The following SDAD1 variants were observed in gnomAD, a reference collection of about 807,000 sequenced individuals.
The protein encoded by SDAD1 is protein SDA1 homolog.
A neutral mutation model predicts 100.3 loss-of-function variants in SDAD1; 79 were observed. The ratio of observed to expected loss-of-function variants is 0.79; its 90% confidence interval spans 0.66 to 0.95. SDAD1 has a LOEUF of 0.95. Ranked by LOEUF, SDAD1 falls within the 40% of genes least tolerant of loss-of-function variation. SDAD1 has a pLI of 0.00. For missense variants in SDAD1, 790 were observed against 810.9 expected, an observed-to-expected ratio of 0.97 and a Z score of 0.31; for synonymous variants, 267 against 271.4, an observed-to-expected ratio of 0.98 and a Z score of 0.16.
intron 9 of SDAD1, among the ~76,000 whole-genome samples, chr4:75,970,695 C>T (rs1195999362): frequency 2.0e-5 from 3 of 152,160 alleles, no homozygotes; most frequent in Non-Finnish European, 4.4e-5. Context: ...GAGGGAAGGA[C>T]CTGGAGGGAG....
rs755315540 is a variant in SDAD1 at position 75,957,828 on chromosome 4, A to C, written c.1578+19T>G. 1 of 1,613,914 alleles carries C rather than the reference A, an allele frequency of 6.2e-7. No homozygotes were observed. Among genetic ancestry groups the C allele is most frequent in the African/African-American group, 1.3e-5 (1 of 75,062 alleles). Reference sequence around the variant, plus strand: ...GTCTTAATAAACACCAGGTTATAAGATGAAATTTTCAGACTTACGATTTCT... The same window carrying C: ...GTCTTAATAAACACCAGGTTATAAGCTGAAATTTTCAGACTTACGATTTCT... On this transcript the variant is annotated intron_variant, in intron 18 of 21. Coordinates refer to ENST00000356260, the MANE Select transcript of SDAD1 (RefSeq NM_018115.4).
At chr4:75,963,147 G>A (rs1286512654) in intron 14 of SDAD1, among the ~76,000 whole-genome samples, 2 of 152,098 alleles carry the variant, frequency 1.3e-5, no homozygotes, top group Non-Finnish European at 1.5e-5. Context: ...ATTAAATAGG[G>A]AATCCTTTCC....
intron 1 of SDAD1, among the ~76,000 whole-genome samples, chr4:75,986,448 G>A (rs760343710): frequency 6.6e-5 from 10 of 152,022 alleles, no homozygotes; most frequent in Non-Finnish European, 1.5e-4. Flanking sequence ...AATTTCACTA[G>A]GAATATAAGC....
rs1729403167 is a variant in SDAD1, at chr4:75,964,137, T to C, written c.1179A>G (p.Val393=). 1 of 1,603,856 alleles carries C rather than the reference T, an allele frequency of 6.2e-7. No individual in the cohort carries two copies. The change falls in exon 14 of 22, where the codon GTA becomes GTG. Residue 393 remains valine (V), a splice_region_variant and synonymous_variant. Coordinates refer to ENST00000356260, the MANE Select transcript of SDAD1 (RefSeq NM_018115.4). ...GCCTCCAACCAGATTCTACATACCCTACTGTCATGACTTCTCCAGAGTTCT... is the reference window on the plus strand; with the variant it reads ...GCCTCCAACCAGATTCTACATACCCCACTGTCATGACTTCTCCAGAGTTCT... ...TDKNSGEVMT[V]GINAIKEITA...
At chr4:75,981,846 G>C in intron 2 of SDAD1, 87 bp downstream of exon 2, 2 of 956,988 alleles carry the variant, frequency 2.1e-6, no homozygotes, top group Non-Finnish European at 1.6e-6. Flanking sequence ...TCCCATTCCA[G>C]AGTGGAATAA....
rs1235383377 is a variant in SDAD1, at chr4:75,990,891, G to A, written c.-50C>T. 3.7e-6 allele frequency: 6 copies of A among 1,610,648 alleles called. No homozygotes were observed. The highest frequency in any genetic ancestry group is 1.7e-5 in the Admixed American group (1 of 59,986). ...CGAGCAGTTTTAAAAAAACTCAGACGGCCGGCACCCCGCAATCCCTGCCAG... is the reference window on the plus strand; with the variant it reads ...CGAGCAGTTTTAAAAAAACTCAGACAGCCGGCACCCCGCAATCCCTGCCAG... On this transcript the variant is annotated 5_prime_UTR_variant, in exon 1 of 22. Coordinates refer to ENST00000356260, the MANE Select transcript of SDAD1 (RefSeq NM_018115.4).
In SDAD1 at chr4:75,957,534, T is replaced by G; in HGVS notation, c.1753A>C (p.Ser585Arg). The G allele has an allele frequency of 6.2e-7, 1 of 1,614,204 alleles. No individual in the cohort carries two copies. Among genetic ancestry groups the G allele is most frequent in the Non-Finnish European group, 8.5e-7 (1 of 1,180,032 alleles). The change falls in exon 19 of 22, where the codon AGT becomes CGT. Residue 585 changes from serine (S) to arginine (R), a missense_variant. By Grantham distance (110) the Ser-to-Arg change is moderately radical. Transcript: ENST00000356260. ...SQKRKYIEID[S>R]DEEPRGELLS... Reference sequence around the variant, plus strand: ...CCATTTTACCTGGGCTCTTCATCACTGTCTATTTCAATGTATTTCCTCTTC... The same window carrying G: ...CCATTTTACCTGGGCTCTTCATCACGGTCTATTTCAATGTATTTCCTCTTC...
At chr4:75,965,937 TG>T (rs777541422) in intron 12 of SDAD1, 115 bp from the exon 13 acceptor site, 45 of 782,284 alleles carry the variant, frequency 5.8e-5, no homozygotes, top group East Asian at 2.9e-4. Context: ...GTATTCCACC[TG>T]GAACACTCAA....
At chr4:75,966,277 C>T (rs903934947) in intron 12 of SDAD1, among the ~76,000 whole-genome samples, 1 of 145,742 alleles carries the variant, frequency 6.9e-6, no homozygotes, top group Non-Finnish European at 1.5e-5. Context: ...TACACACACA[C>T]ACACACACAC....
chr4:75,974,149 G>T lies in SDAD1; in HGVS notation c.579-16C>A. The T allele has an allele frequency of 6.2e-7, 1 of 1,608,162 alleles. No individual in the cohort carries two copies. The highest frequency in any genetic ancestry group is 1.1e-5 in the South Asian group (1 of 90,916). On this transcript the variant is annotated splice_polypyrimidine_tract_variant and intron_variant, in intron 6 of 21. Coordinates refer to ENST00000356260, the MANE Select transcript of SDAD1 (RefSeq NM_018115.4). The stretch of plus-strand genomic sequence containing the variant: ...TGCATCATTCCTGGGGGAAGACAAT[G>T]AATGCTTTGAAGTAAATTTTCATTC...
intron 2 of SDAD1, 78 bp from the exon 3 acceptor site, chr4:75,981,548 G>A: frequency 1.3e-6 from 2 of 1,593,898 alleles, no homozygotes; most frequent in Non-Finnish European, 1.7e-6. Context: ...AGGATGTTCT[G>A]CAAAACGAGA....
At chr4:75,978,973 CCTGT>C (rs1240716817) in intron 3 of SDAD1, among the ~76,000 whole-genome samples, 1 of 46,144 alleles carries the variant, frequency 2.2e-5, no homozygotes, top group Non-Finnish European at 4.6e-5. Flanking sequence ...AGTGACAGAC[CCTGT>C]CTCAGAAAAA....
intron 20 of SDAD1, 105 bp from the exon 21 acceptor site, chr4:75,956,241 AG>A: frequency 8.1e-7 from 1 of 1,229,982 alleles, no homozygotes; most frequent in Non-Finnish European, 1.1e-6. Context: ...CTAGGTGCCA[AG>A]GGCACAGAAT....
At chr4:75,958,291 G>C (rs994036298) in intron 17 of SDAD1, among the ~76,000 whole-genome samples, 25 of 152,122 alleles carry the variant, frequency 1.6e-4, no homozygotes, top group Non-Finnish European at 2.9e-4. Flanking sequence ...TACCTTTAGG[G>C]TCATGTTCTT....
intron 14 of SDAD1, among the ~76,000 whole-genome samples, chr4:75,963,870 G>A (rs1390155047): frequency 6.6e-6 from 1 of 152,140 alleles, no homozygotes; most frequent in East Asian, 1.9e-4. Context: ...AAAGCACTTA[G>A]TTTGCTAATC....
chr4:75,979,465 CTAT>C (rs999397161), intron 3 of SDAD1, among the ~76,000 whole-genome samples: 5 of 151,666 alleles, frequency 3.3e-5, no homozygotes, highest in East Asian at 1.9e-4. Context: ...AAGGAAATCT[CTAT>C]TATTATTATT....
chr4:75,958,649 T>C (rs1160114796), intron 17 of SDAD1, among the ~76,000 whole-genome samples: 2 of 152,150 alleles, frequency 1.3e-5, no homozygotes, highest in African/African-American at 2.4e-5. Context: ...CCTCCTGTCT[T>C]TCTATGTTCC....
intron 1 of SDAD1, among the ~76,000 whole-genome samples, chr4:75,989,981 CAG>C (rs1163413122): frequency 6.6e-6 from 1 of 152,182 alleles, no homozygotes; most frequent in Non-Finnish European, 1.5e-5. Context: ...AAATGCCTAG[CAG>C]AGATACCTGT....
chr4:75,957,572 G>C lies in SDAD1; in HGVS notation c.1715C>G (p.Pro572Arg). 2 of 1,614,156 alleles carry C rather than the reference G, an allele frequency of 1.2e-6. No homozygotes were observed. The highest frequency in any genetic ancestry group is 1.7e-6 in the Non-Finnish European group (2 of 1,180,042). The change falls in exon 19 of 22, where the codon CCC becomes CGC. Residue 572 changes from proline to arginine, a missense_variant. Coordinates refer to ENST00000356260, the MANE Select transcript of SDAD1 (RefSeq NM_018115.4). Reference protein sequence around the residue: ...AQMRKELDAAPGKSQKRKYIE... With the variant: ...AQMRKELDAARGKSQKRKYIE... Reference sequence around the variant, plus strand: ...GTATTTCCTCTTCTGGGATTTCCCGGGGGCAGCATCAAGTTCTTTTCTCAT... The same window carrying C: ...GTATTTCCTCTTCTGGGATTTCCCGCGGGCAGCATCAAGTTCTTTTCTCAT...
Sources: allele counts gnomAD v4.1 joint callset (sites outside exome capture counted in the v4.1 genomes callset), GRCh38; gene constraint gnomAD v4.1.1; transcripts MANE v1.5; gene names NCBI Gene and HGNC (gene_info 2026-07-23, HGNC 2026-07-21).